Variants in FHIT observed in about 807,000 individuals in gnomAD.
FHIT encodes the protein bis(5'-adenosyl)-triphosphatase.
A neutral mutation model predicts 17.9 loss-of-function variants in FHIT; 19 were observed. The observed-to-expected ratio is 1.06, with a 90% CI of 0.74 to 1.56. The LOEUF is 1.56. Among genes scored for constraint, FHIT ranks in the 40% most tolerant of loss-of-function variants. The probability of loss-of-function intolerance (pLI) is 0.00; values close to 1 mark genes in which losing one functional copy is unlikely to be tolerated. For missense variants in FHIT, 248 were observed against 189.2 expected (o/e 1.31, Z -1.82); for synonymous variants, 81 against 69.7 (o/e 1.16, Z -0.81).
At chr3:60,390,283 A>T (rs923742323) in intron 5 of FHIT, among the ~76,000 whole-genome samples, 1 of 151,882 alleles carries the variant, frequency 6.6e-6, no homozygotes, top group African/African-American at 2.4e-5. Context: ...AAAGATGAAA[A>T]ATTTTTAGTC....
At chr3:59,843,365 G>T (rs757514988) in intron 8 of FHIT, among the ~76,000 whole-genome samples, 16 of 152,042 alleles carry the variant, frequency 1.1e-4, no homozygotes, top group Non-Finnish European at 1.9e-4. Context: ...AGTCCTCCAG[G>T]TTTGTTCTTT....
At chr3:61,084,037 C>A (rs1380602921) in intron 2 of FHIT, among the ~76,000 whole-genome samples, 1 of 152,132 alleles carries the variant, frequency 6.6e-6, no homozygotes. Context: ...ATGTTATATT[C>A]TAGATGCTTT....
intron 4 of FHIT, among the ~76,000 whole-genome samples, chr3:60,664,708 GTT>G (rs575588178): frequency 1.5e-5 from 2 of 132,398 alleles, no homozygotes; most frequent in Non-Finnish European, 1.7e-5. Context: ...AGTTTAGCTA[GTT>G]TTTTTTTTTT....
chr3:60,722,904 A>G lies in FHIT; in HGVS notation c.-18+99015T>C, dbSNP rs1356269773. On this transcript the variant is annotated intron_variant, in intron 4 of 9. Transcript: ENST00000492590. ...CATCCAGCGAATTTTTTGTAGTTTT[A>G]GTAGAGACTGGGTTTCACCACATTG... Among the ~76,000 whole-genome samples the G allele has an allele frequency of 3.3e-5, 5 of 152,028 alleles. No homozygotes were observed. In the South Asian group the frequency reaches 6.2e-4, roughly 19 times the overall value.
At chr3:60,153,881 G>T (rs950581956) in intron 5 of FHIT, among the ~76,000 whole-genome samples, 1 of 152,128 alleles carries the variant, frequency 6.6e-6, no homozygotes, top group African/African-American at 2.4e-5. Flanking sequence ...TGTGCTAGGT[G>T]CTGGGCATAC....
At chr3:60,115,202 C>T (rs181483225) in intron 5 of FHIT, among the ~76,000 whole-genome samples, 1 of 152,180 alleles carries the variant, frequency 6.6e-6, no homozygotes, top group African/African-American at 2.4e-5. Context: ...AAACTTTCAG[C>T]TCCCCAAAGC....
chr3:60,660,729 C>CTTGTTTTTTTTTTTTTTTTTTTTT (rs2040222493), intron 4 of FHIT, among the ~76,000 whole-genome samples: 1 of 37,278 alleles, frequency 2.7e-5, no homozygotes, highest in Non-Finnish European at 5.5e-5. Context: ...TTATTGTGCT[C>CTTGTTTTTTTTTTTTTTTTTTTTT]TTTTTTTTTT....
At chr3:60,953,815 G>T (rs116000047) in intron 3 of FHIT, among the ~76,000 whole-genome samples, 2 of 152,166 alleles carry the variant, frequency 1.3e-5, no homozygotes. Flanking sequence ...GACGAGAAGG[G>T]TGCCAGATTC....
intron 5 of FHIT, among the ~76,000 whole-genome samples, chr3:60,286,071 A>C (rs1707713705): frequency 6.6e-6 from 1 of 152,148 alleles, no homozygotes; most frequent in Non-Finnish European, 1.5e-5. Context: ...ACCAACATGC[A>C]TGAGGTGAAT....
intron 5 of FHIT, among the ~76,000 whole-genome samples, chr3:60,138,676 G>T (rs866938922): frequency 6.6e-6 from 1 of 151,976 alleles, no homozygotes; most frequent in African/African-American, 2.4e-5. Flanking sequence ...TTTCAGGCAG[G>T]GTTGAGCTTT....
chr3:60,142,436 T>G (rs1700076640), intron 5 of FHIT, among the ~76,000 whole-genome samples: 1 of 152,184 alleles, frequency 6.6e-6, no homozygotes, highest in Admixed American at 6.6e-5. Context: ...TTGCTTAAAA[T>G]TTTATTTATA....
chr3:59,839,700 A>C (rs550170537), intron 8 of FHIT, among the ~76,000 whole-genome samples: 205 of 152,196 alleles, frequency 1.3e-3, no homozygotes, highest in Middle Eastern at 0.01. Context: ...CAGTGCCATT[A>C]TCTCTCTCTA....
intron 5 of FHIT, among the ~76,000 whole-genome samples, chr3:60,381,633 CTCTT>C (rs1325934341): frequency 1.3e-5 from 2 of 152,186 alleles, no homozygotes; most frequent in Non-Finnish European, 2.9e-5. Context: ...CTGCCAATCT[CTCTT>C]TCGATAGTAG....
At chr3:60,263,091 G>GA (rs1354273857) in intron 5 of FHIT, among the ~76,000 whole-genome samples, 9 of 151,692 alleles carry the variant, frequency 5.9e-5, no homozygotes, top group African/African-American at 1.7e-4. Flanking sequence ...ATAATTACAG[G>GA]AAAAAAATGC....
chr3:60,095,148 G>A (rs147125114), intron 5 of FHIT, among the ~76,000 whole-genome samples: 2 of 152,242 alleles, frequency 1.3e-5, no homozygotes, highest in African/African-American at 4.8e-5. Flanking sequence ...TCTCAAAAAG[G>A]TCTGAAGCAG....
intron 7 of FHIT, among the ~76,000 whole-genome samples, chr3:59,956,833 A>T (rs1707426635): frequency 6.6e-6 from 1 of 152,210 alleles, no homozygotes. Flanking sequence ...CACTCAGTAA[A>T]CATTATTGTC....
chr3:60,624,575 G>T (rs1247819088), intron 4 of FHIT, among the ~76,000 whole-genome samples: 2 of 152,150 alleles, frequency 1.3e-5, no homozygotes, highest in Admixed American at 6.6e-5. Flanking sequence ...TATTCAAGAA[G>T]GGTGGGAATG....
intron 4 of FHIT, among the ~76,000 whole-genome samples, chr3:60,656,490 C>T (rs1345894930): frequency 6.6e-6 from 1 of 152,078 alleles, no homozygotes; most frequent in African/African-American, 2.4e-5. Context: ...AATTGGGGCA[C>T]CTCTACAGAC....
At chr3:60,430,460 C>A (rs1048319668) in intron 5 of FHIT, among the ~76,000 whole-genome samples, 1 of 152,176 alleles carries the variant, frequency 6.6e-6, no homozygotes, top group East Asian at 1.9e-4. Context: ...TTGATTCTTA[C>A]ACAGCCTATC....
Sources: gnomAD v4.1 joint callset for allele counts (sites outside exome capture counted in the v4.1 genomes callset) on GRCh38, gnomAD v4.1.1 for gene constraint, MANE v1.5 for transcripts, NCBI Gene and HGNC (gene_info 2026-07-23, HGNC 2026-07-21) for gene names.